The following DOCK1 variants were observed in gnomAD, a reference collection of about 807,000 sequenced individuals.
The protein encoded by DOCK1 is dedicator of cytokinesis protein 1.
A neutral mutation model predicts 262.7 loss-of-function variants in DOCK1; 138 were observed. The ratio of observed to expected loss-of-function variants is 0.53; its 90% CI spans 0.46 to 0.61. The LOEUF (loss-of-function observed/expected upper bound fraction) is 0.61, where lower values mean the gene tolerates loss of function less well. Among genes scored for constraint, DOCK1 ranks in the 20% least tolerant of loss-of-function variants. The pLI, the probability that DOCK1 is intolerant of heterozygous loss-of-function variation, is 0.00. For synonymous variants in DOCK1, 866 were observed against 867.4 expected, an observed-to-expected ratio of 1.00 and a Z score of 0.03; for missense variants, 1,908 against 2,370.7, an observed-to-expected ratio of 0.80 and a Z score of 4.05.
At chr10:127,011,381 C>A (rs4751179) in intron 11 of DOCK1, among the ~76,000 whole-genome samples, 141,896 of 152,290 alleles carry the variant, frequency 0.93, 66,106 homozygotes, top group African/African-American at 0.95. Context: ...AACTTGGTGA[C>A]GTAAATGACA....
rs751794894 is a variant in DOCK1 at position 127,175,542 on chromosome 10, T to C, written c.2847+47778T>C. 3.1e-6 allele frequency: 5 copies of C among 1,611,098 alleles called. No homozygotes were observed. The South Asian group carries it at 4.4e-5, about 14-fold the overall frequency. On this transcript the variant is annotated intron_variant, in intron 27 of 51. Transcript: ENST00000623213. The surrounding 1 kb of genome is among the most constrained non-coding windows in gnomAD (Gnocchi z 6.3). ...ATGTGTGGCTCTCCTCCGCTCGTCA[T>C]CTGCCGGGCAGAGTGACCACTGGCT... is the stretch of plus-strand genomic sequence containing the variant.
chr10:127,291,321 T>G (rs898338031), intron 29 of DOCK1, among the ~76,000 whole-genome samples: 1 of 152,166 alleles, frequency 6.6e-6, no homozygotes, highest in Non-Finnish European at 1.5e-5. Flanking sequence ...CCTGTCCCCT[T>G]TATCCTCAAA....
chr10:127,207,208 G>A (rs896293063), intron 27 of DOCK1, among the ~76,000 whole-genome samples: 2 of 152,202 alleles, frequency 1.3e-5, no homozygotes, highest in African/African-American at 4.8e-5. Context: ...AGAGCTTTAT[G>A]AGAATTAAAT....
At chr10:126,961,645 A>G (rs2037229851) in intron 1 of DOCK1, among the ~76,000 whole-genome samples, 1 of 152,190 alleles carries the variant, frequency 6.6e-6, no homozygotes, top group Non-Finnish European at 1.5e-5. Flanking sequence ...CAGTGTCTTC[A>G]AGGTTCACCC....
chr10:127,443,029 C>T (rs1201082901), intron 49 of DOCK1, among the ~76,000 whole-genome samples: 1 of 152,156 alleles, frequency 6.6e-6, no homozygotes, highest in Non-Finnish European at 1.5e-5. Flanking sequence ...CTAGAGGCGT[C>T]GGCAGGGCTG....
chr10:127,425,512 T>C (rs1194984455), intron 46 of DOCK1, among the ~76,000 whole-genome samples: 1 of 152,206 alleles, frequency 6.6e-6, no homozygotes, highest in Non-Finnish European at 1.5e-5. Context: ...TATTCTTAGC[T>C]AAAAAATGTT....
chr10:127,443,089 G>C (rs1056470146), intron 49 of DOCK1, among the ~76,000 whole-genome samples: 2 of 152,060 alleles, frequency 1.3e-5, no homozygotes, highest in African/African-American at 4.8e-5. Context: ...CTCTCCTCCT[G>C]TCTGGGGGTT....
chr10:127,369,960 G>A (rs2065121097), intron 33 of DOCK1, among the ~76,000 whole-genome samples: 1 of 152,178 alleles, frequency 6.6e-6, no homozygotes, highest in Admixed American at 6.5e-5. Flanking sequence ...AGAGCCCCAA[G>A]GGTTGTGCGG....
chr10:127,229,179 G>T (rs992670540), intron 27 of DOCK1, among the ~76,000 whole-genome samples: 1 of 152,132 alleles, frequency 6.6e-6, no homozygotes, highest in Non-Finnish European at 1.5e-5. Flanking sequence ...AGCCGAGATC[G>T]CATCACTGCA....
At chr10:127,346,465 G>T (rs544141165) in intron 31 of DOCK1, among the ~76,000 whole-genome samples, 1 of 152,206 alleles carries the variant, frequency 6.6e-6, no homozygotes, top group South Asian at 2.1e-4. Flanking sequence ...GTGTGGTGGC[G>T]CGCACCTGTG....
intron 23 of DOCK1, among the ~76,000 whole-genome samples, chr10:127,062,427 A>G (rs1237150212): frequency 6.6e-6 from 1 of 152,180 alleles, no homozygotes; most frequent in Non-Finnish European, 1.5e-5. Context: ...CTTTTTGAAC[A>G]TATACACTAA....
intron 12 of DOCK1, among the ~76,000 whole-genome samples, chr10:127,018,343 A>G (rs2042166971): frequency 6.6e-6 from 1 of 152,218 alleles, no homozygotes; most frequent in South Asian, 2.1e-4. Context: ...CTAGAAAATG[A>G]CAGACTTCTC....
chr10:127,262,077 G>GGT (rs1554934602), intron 29 of DOCK1, among the ~76,000 whole-genome samples: 1 of 83,966 alleles, frequency 1.2e-5, no homozygotes, highest in South Asian at 4.4e-4. Context: ...TGTGCATGTG[G>GGT]GTGTGTGTGT....
At chr10:127,003,335 C>G (rs1591606363) in intron 10 of DOCK1, among the ~76,000 whole-genome samples, 1 of 151,772 alleles carries the variant, frequency 6.6e-6, no homozygotes, top group East Asian at 1.9e-4. Flanking sequence ...CTGTGTGAAC[C>G]TGTGTGAACC....
At chr10:127,245,274 G>A (rs552266543) in intron 27 of DOCK1, among the ~76,000 whole-genome samples, 1 of 152,280 alleles carries the variant, frequency 6.6e-6, no homozygotes, top group Non-Finnish European at 1.5e-5. Flanking sequence ...TCACCTTAGA[G>A]CTGAAAAAGC....
intron 4 of DOCK1, among the ~76,000 whole-genome samples, chr10:126,985,240 C>G (rs766472991): frequency 6.6e-6 from 1 of 152,120 alleles, no homozygotes; most frequent in African/African-American, 2.4e-5. Context: ...TTTAGCCTCC[C>G]GAAGTGTTGT....
intron 29 of DOCK1, among the ~76,000 whole-genome samples, chr10:127,313,840 A>G (rs2720984): frequency 0.33 from 50,133 of 152,098 alleles, 11,088 homozygotes; most frequent in African/African-American, 0.64. Context: ...GGGGACTCCA[A>G]GAACTCTTGG....
intron 1 of DOCK1, among the ~76,000 whole-genome samples, chr10:126,910,583 A>G (rs2031623908): frequency 1.3e-5 from 2 of 152,220 alleles, no homozygotes; most frequent in South Asian, 2.1e-4. Flanking sequence ...GGTGTAAAAT[A>G]TAATTCAGGG....
At position 127,323,922 on chromosome 10, in the gene DOCK1, A is replaced by G. The variant is rs559761183; in HGVS notation, c.3045-15084A>G. ...TTCCCTCACTGCTGTGTGGTTGCCA[A>G]AGCCTCCTGTGGAGTAAGGCCCTGC... On this transcript the variant is annotated intron_variant, in intron 29 of 51. Coordinates refer to ENST00000623213, the MANE Select transcript of DOCK1 (RefSeq NM_001290223.2). 6.6e-5 allele frequency among the ~76,000 whole-genome samples: 10 copies of G among 152,336 alleles called. No homozygotes were observed. The South Asian group carries it at 1.9e-3, about 28-fold the overall frequency.
Sources: gnomAD v4.1 joint callset for allele counts (sites outside exome capture counted in the v4.1 genomes callset) on GRCh38, gnomAD v4.1.1 for gene constraint, Gnocchi (gnomAD v3.1) non-coding constraint, MANE v1.5 for transcripts, NCBI Gene and HGNC (gene_info 2026-07-23, HGNC 2026-07-21) for gene names.